ZNF138: variants seen among roughly 807,000 people sequenced by gnomAD.
ZNF138 encodes the protein zinc finger protein 138 (clone pHZ-32).
Under a neutral mutation model 33.0 loss-of-function variants are expected in ZNF138, and 33 were observed. That is an observed-to-expected ratio of 1.00 (90% CI 0.76 to 1.34). The LOEUF is 1.34. Ranked by LOEUF, ZNF138 falls within the 40% of genes most tolerant of loss-of-function variation. The pLI, the probability that ZNF138 is intolerant of heterozygous loss-of-function variation, is 0.00. For synonymous variants in ZNF138, 139 were observed against 120.4 expected (o/e 1.15, Z -1.01); for missense variants, 360 against 370.8 (o/e 0.97, Z 0.24).
intron 1 of ZNF138, among the ~76,000 whole-genome samples, chr7:64,811,265 G>T (rs531167905): frequency 6.6e-6 from 1 of 152,320 alleles, no homozygotes; most frequent in Non-Finnish European, 1.5e-5. Context: ...GTTATTCCCA[G>T]CAAAGTGCTC....
At chr7:64,817,482 A>C (rs1432178580) in intron 3 of ZNF138, among the ~76,000 whole-genome samples, 4 of 151,322 alleles carry the variant, frequency 2.6e-5, no homozygotes, top group Admixed American at 2.0e-4. Context: ...CAGTTTCACA[A>C]CTCCCTCCCT....
chr7:64,803,819 CTA>C (rs1216216908), intron 1 of ZNF138, among the ~76,000 whole-genome samples: 5 of 152,114 alleles, frequency 3.3e-5, no homozygotes, highest in Non-Finnish European at 7.3e-5. Flanking sequence ...AAAAAAGTTA[CTA>C]TCAAATTATT....
At chr7:64,854,542 T>C in the ZNF138 span, among the ~76,000 whole-genome samples, 1 of 152,356 alleles carries the variant, frequency 6.6e-6, no homozygotes. Flanking sequence ...CACCTAGTCA[T>C]AATATAAATA....
chr7:64,827,529 A>T (rs1789739990), intron 3 of ZNF138, among the ~76,000 whole-genome samples: 1 of 152,066 alleles, frequency 6.6e-6, no homozygotes, highest in Non-Finnish European at 1.5e-5. Flanking sequence ...ACCATGTAAC[A>T]TTTTTTTGTA....
chr7:64,800,454 T>TA (rs1252159176), intron 1 of ZNF138, among the ~76,000 whole-genome samples: 1 of 152,240 alleles, frequency 6.6e-6, no homozygotes, highest in Non-Finnish European at 1.5e-5. Context: ...TTGCAGTTTT[T>TA]ATCTTTATTT....
Position 64,832,400 on chromosome 7 carries a change from T to A in ZNF138, c.*198T>A. On this transcript the variant is annotated 3_prime_UTR_variant, in exon 4 of 4. Transcript: ENST00000307355. Reference sequence around the variant, plus strand: ...TCACTGAACATAAGTTAATTCATACTGGAGAAAAACCCTACAAATGTAAAG... The same window carrying A: ...TCACTGAACATAAGTTAATTCATACAGGAGAAAAACCCTACAAATGTAAAG... 1 of 1,520,278 alleles carries A rather than the reference T, an allele frequency of 6.6e-7. No individual in the cohort carries two copies. 94.2% of individuals were successfully genotyped at this position (1,520,278 alleles called of 1,614,324 possible). A position where few individuals can be genotyped will look rare whatever the true frequency, so the allele number is the denominator to read the frequency against.
intron 3 of ZNF138, chr7:64,831,118 A>G (rs1264985796): frequency 2.6e-6 from 4 of 1,550,932 alleles, no homozygotes; most frequent in East Asian, 2.4e-5. Flanking sequence ...AAAGAAACCA[A>G]GAGTTGGCAG....
the ZNF138 span, among the ~76,000 whole-genome samples, chr7:64,843,168 G>T: frequency 6.6e-6 from 1 of 152,100 alleles, no homozygotes; most frequent in Non-Finnish European, 1.5e-5. Flanking sequence ...CTTTAAAGAT[G>T]AATAGTATTC....
chr7:64,820,374 T>C (rs1789030798), intron 3 of ZNF138, among the ~76,000 whole-genome samples: 2 of 151,728 alleles, frequency 1.3e-5, no homozygotes, highest in Admixed American at 1.3e-4. Context: ...ATTTTCTATT[T>C]TAAGGCTGAA....
At chr7:64,834,523 T>A (rs1057150161), downstream of ZNF138, among the ~76,000 whole-genome samples, 2 of 152,200 alleles carry the variant, frequency 1.3e-5, no homozygotes, top group East Asian at 3.9e-4. Flanking sequence ...TTGAAAAAAA[T>A]TGCAGAATTT....
At chr7:64,837,759 A>G (rs575767494), downstream of ZNF138, among the ~76,000 whole-genome samples, 1 of 152,232 alleles carries the variant, frequency 6.6e-6, no homozygotes, top group South Asian at 2.1e-4. Flanking sequence ...AGCAGGCCAA[A>G]TCTTGGGGTT....
chr7:64,847,548 A>G, the ZNF138 span, among the ~76,000 whole-genome samples: 2 of 151,942 alleles, frequency 1.3e-5, no homozygotes, highest in African/African-American at 2.4e-5. Flanking sequence ...TTAGGTGCAT[A>G]TATATTTAAG....
the ZNF138 span, among the ~76,000 whole-genome samples, chr7:64,857,756 A>G: frequency 6.6e-6 from 1 of 152,248 alleles, no homozygotes; most frequent in Non-Finnish European, 1.5e-5. Flanking sequence ...ACAGTGGCAC[A>G]TCAGTACCAC....
Position 64,794,526 on chromosome 7 carries a change from G to T in ZNF138, c.-43G>T, listed in dbSNP as rs1786529441. 1 of 1,612,472 alleles carries T rather than the reference G, an allele frequency of 6.2e-7. No homozygotes were observed. The highest frequency in any genetic ancestry group is 8.5e-7 in the Non-Finnish European group (1 of 1,179,028). On this transcript the variant is annotated 5_prime_UTR_variant, in exon 1 of 4. Coordinates refer to ENST00000307355, the MANE Select transcript of ZNF138 (RefSeq NM_001271639.2). ...TGTGGCGCTGTGATCTGGTTATTGGGAGATTCACAGCTAAGACGCCAGGAT... is the reference window on the plus strand; with the variant it reads ...TGTGGCGCTGTGATCTGGTTATTGGTAGATTCACAGCTAAGACGCCAGGAT...
intron 3 of ZNF138, among the ~76,000 whole-genome samples, chr7:64,818,876 A>T (rs1788888834): frequency 6.6e-6 from 1 of 152,180 alleles, no homozygotes; most frequent in Non-Finnish European, 1.5e-5. Context: ...CCTGCCTTCC[A>T]TGAGTACACA....
intron 3 of ZNF138, among the ~76,000 whole-genome samples, chr7:64,815,926 C>T (rs1022320715): frequency 1.3e-5 from 2 of 151,678 alleles, no homozygotes; most frequent in African/African-American, 2.4e-5. Context: ...AATCTGACTG[C>T]TTTTTTATTG....
chr7:64,852,308 T>G, the ZNF138 span: 1 of 869,982 alleles, frequency 1.1e-6, no homozygotes, highest in Non-Finnish European at 1.9e-6. Context: ...CAGTGAGATT[T>G]TTGTTGCTTA....
At chr7:64,853,439 G>A in the ZNF138 span, 13 of 701,902 alleles carry the variant, frequency 1.9e-5, no homozygotes, top group East Asian at 7.5e-5. Flanking sequence ...CCACCGGCTC[G>A]CTTTGCGCCC....
intron 1 of ZNF138, among the ~76,000 whole-genome samples, chr7:64,812,925 C>T (rs1197054665): frequency 1.3e-5 from 2 of 149,606 alleles, no homozygotes; most frequent in Non-Finnish European, 1.5e-5. Flanking sequence ...GAATGCCATG[C>T]GTTTAGTACC....
Sources: allele counts gnomAD v4.1 joint callset (sites outside exome capture counted in the v4.1 genomes callset), GRCh38; gene constraint gnomAD v4.1.1; transcripts MANE v1.5; gene names NCBI Gene and HGNC (gene_info 2026-07-23, HGNC 2026-07-21).